Variants in TMEM74 observed in about 807,000 individuals in gnomAD.
TMEM74 encodes the protein transmembrane protein 74.
In TMEM74, 13 loss-of-function variants were observed where a neutral mutation model predicts 18.1. The ratio of observed to expected loss-of-function variants is 0.72; its 90% CI spans 0.47 to 1.14. The LOEUF (loss-of-function observed/expected upper bound fraction) is 1.14, where lower values mean the gene tolerates loss of function less well. Among genes scored for constraint, TMEM74 ranks in the 50% most tolerant of loss-of-function variants. TMEM74 has a pLI of 0.00. For missense variants in TMEM74, 372 were observed against 375.9 expected (o/e 0.99, Z 0.09); for synonymous variants, 159 against 146.6 (o/e 1.08, Z -0.61).
chr8:108,675,043 A>G (rs1231743467), intron 1 of TMEM74, among the ~76,000 whole-genome samples: 1 of 152,192 alleles, frequency 6.6e-6, no homozygotes, highest in Non-Finnish European at 1.5e-5. Flanking sequence ...ACCAATGAAT[A>G]TGGAAGTTGG....
Position 108,784,370 on chromosome 8 carries a change from G to T in TMEM74, c.729C>A (p.Gly243=), listed in dbSNP as rs745602518. The T allele has an allele frequency of 1.2e-6, 2 of 1,613,906 alleles. No individual in the cohort carries two copies. Among genetic ancestry groups the T allele is most frequent in the East Asian group, 4.5e-5 (2 of 44,840 alleles). ...TCATTAACAAGCAGGACAGGATGAC[G>T]CCCCCCAGCGTGAGGAGGCAGAGCC... is the stretch of plus-strand genomic sequence containing the variant. The part of the protein sequence containing the change: ...IAGLCLLTLG[G]VILSCLLMMS... Residue 243 remains glycine (G), a synonymous_variant, in exon 2 of 2, where the codon GGC becomes GGA. Coordinates refer to ENST00000297459, the MANE Select transcript of TMEM74 (RefSeq NM_153015.3).
rs1199901067 is a variant in TMEM74 at position 108,677,536 on chromosome 8, G to C, written n.120-22099C>G. 2.8e-5 allele frequency among the ~76,000 whole-genome samples: 4 copies of C among 145,198 alleles called. No individual in the cohort carries two copies. The East Asian group carries it at 8.1e-4, about 29-fold the overall frequency. On this transcript the variant is annotated intron_variant and non_coding_transcript_variant, in intron 1 of 3. Transcript: ENST00000518838. ...TGAAGTCAGTTTCAAAACGGCCTTA[G>C]TATTCTGTTGTTTTTTTTTTTTTCT...
chr8:108,742,878 A>G (rs1813815340), intron 1 of TMEM74, among the ~76,000 whole-genome samples: 1 of 152,220 alleles, frequency 6.6e-6, no homozygotes. Context: ...ACCAGAAGGC[A>G]TCATGCAAAT....
intron 1 of TMEM74, among the ~76,000 whole-genome samples, chr8:108,787,237 A>C (rs1262923091): frequency 1.3e-5 from 2 of 152,136 alleles, no homozygotes; most frequent in African/African-American, 4.8e-5. Context: ...TGTGCGAGCA[A>C]AGCCGGGAGA....
intron 2 of TMEM74, among the ~76,000 whole-genome samples, chr8:108,640,104 T>C (rs1272361630): frequency 6.6e-6 from 1 of 151,292 alleles, no homozygotes; most frequent in African/African-American, 2.4e-5. Context: ...TTTACTCTTT[T>C]ATAGTAATCA....
intron 1 of TMEM74, among the ~76,000 whole-genome samples, chr8:108,722,210 C>T (rs943142644): frequency 6.6e-6 from 1 of 152,232 alleles, no homozygotes; most frequent in African/African-American, 2.4e-5. Flanking sequence ...TTAATCACAT[C>T]TGCAAAGTCC....
chr8:108,646,387 T>C (rs1812720901), intron 2 of TMEM74, among the ~76,000 whole-genome samples: 1 of 152,078 alleles, frequency 6.6e-6, no homozygotes, highest in Non-Finnish European at 1.5e-5. Context: ...ATGAGTATAA[T>C]AATAATAATG....
intron 1 of TMEM74, among the ~76,000 whole-genome samples, chr8:108,690,571 T>C (rs1178398156): frequency 6.6e-6 from 1 of 152,058 alleles, no homozygotes; most frequent in Admixed American, 6.5e-5. Context: ...ATCCCAGCAC[T>C]TTGGGAGGCC....
chr8:108,649,910 C>T lies in TMEM74; in HGVS notation n.264+5383G>A, dbSNP rs182109858. 6.6e-5 allele frequency among the ~76,000 whole-genome samples: 10 copies of T among 152,228 alleles called. No homozygotes were observed. In the East Asian group the frequency reaches 1.2e-3, roughly 18 times the overall value. On this transcript the variant is annotated intron_variant and non_coding_transcript_variant, in intron 2 of 3. Transcript: ENST00000518838. ...TCTCTTTGAGTAGATTATTTTGCCT[C>T]GGCTTTCATAGACAAAATAGAGGCC...
intron 1 of TMEM74, among the ~76,000 whole-genome samples, chr8:108,667,996 C>T (rs1470072009): frequency 3.9e-5 from 6 of 152,154 alleles, no homozygotes; most frequent in Non-Finnish European, 2.9e-5. Context: ...TTCCATGCTC[C>T]TCCACATTTC....
At chr8:108,622,245 G>A (rs1812451096) in intron 2 of TMEM74, among the ~76,000 whole-genome samples, 3 of 152,066 alleles carry the variant, frequency 2.0e-5, no homozygotes, top group Admixed American at 2.0e-4. Context: ...AATGATGCAT[G>A]ACAATGACCA....
chr8:108,620,705 C>T lies in TMEM74; in HGVS notation n.265-11879G>A, dbSNP rs1460922383. On this transcript the variant is annotated intron_variant and non_coding_transcript_variant, in intron 2 of 3. Transcript: ENST00000518838. ...GTAAGGACATTTGGCTTCCTAATGACAGCACATTCATGATATGATTATTAA... is the reference window on the plus strand; with the variant it reads ...GTAAGGACATTTGGCTTCCTAATGATAGCACATTCATGATATGATTATTAA... Among the ~76,000 whole-genome samples, 3 of 152,206 alleles carry T rather than the reference C, an allele frequency of 2.0e-5. No individual in the cohort carries two copies. In the East Asian group the frequency reaches 5.8e-4, roughly 29 times the overall value.
At chr8:108,758,819 G>A (rs1403492187) in intron 1 of TMEM74, among the ~76,000 whole-genome samples, 2 of 151,968 alleles carry the variant, frequency 1.3e-5, no homozygotes, top group Non-Finnish European at 2.9e-5. Context: ...ATAAATGGTA[G>A]CATATTCCAC....
intron 1 of TMEM74, among the ~76,000 whole-genome samples, chr8:108,675,740 T>C (rs547768619): frequency 2.4e-4 from 37 of 152,184 alleles, no homozygotes; most frequent in Non-Finnish European, 4.1e-4. Flanking sequence ...GACACAGCAA[T>C]TAAAAATACA....
intron 2 of TMEM74, among the ~76,000 whole-genome samples, chr8:108,645,583 TG>T (rs1382266499): frequency 6.6e-6 from 1 of 152,108 alleles, no homozygotes; most frequent in African/African-American, 2.4e-5. Flanking sequence ...TTCATGATCA[TG>T]TACTAGAGAC....
At chr8:108,621,117 A>G (rs1812436056) in intron 2 of TMEM74, among the ~76,000 whole-genome samples, 1 of 152,184 alleles carries the variant, frequency 6.6e-6, no homozygotes, top group Non-Finnish European at 1.5e-5. Flanking sequence ...AGTAGACCCC[A>G]AGACTAAGCC....
chr8:108,710,597 C>T (rs894752453), intron 1 of TMEM74, among the ~76,000 whole-genome samples: 1 of 152,192 alleles, frequency 6.6e-6, no homozygotes, highest in African/African-American at 2.4e-5. Flanking sequence ...TTCAGCAGCT[C>T]TCTCATCAGC....
intron 2 of TMEM74, among the ~76,000 whole-genome samples, chr8:108,633,205 C>G (rs775823336): frequency 6.6e-6 from 1 of 151,874 alleles, no homozygotes; most frequent in Non-Finnish European, 1.5e-5. Context: ...TATACTTGTT[C>G]TTTCCCCAAG....
chr8:108,732,536 T>C (rs1813706453), intron 1 of TMEM74, among the ~76,000 whole-genome samples: 1 of 152,018 alleles, frequency 6.6e-6, no homozygotes. Context: ...ATTGGTAAAA[T>C]AATAAAGACG....
Sources: allele counts gnomAD v4.1 joint callset (sites outside exome capture counted in the v4.1 genomes callset), GRCh38; gene constraint gnomAD v4.1.1; transcripts MANE v1.5; gene names NCBI Gene and HGNC (gene_info 2026-07-23, HGNC 2026-07-21).